MSR1: variants seen among roughly 807,000 people sequenced by gnomAD.
MSR1 encodes macrophage scavenger receptor 1.
Under a neutral mutation model 47.2 loss-of-function variants are expected in MSR1, and 53 were observed. That is an observed-to-expected ratio of 1.12 (90% CI 0.90 to 1.41). MSR1 has a LOEUF of 1.41. Ranked by LOEUF, MSR1 falls within the 40% of genes most tolerant of loss-of-function variation. MSR1 has a pLI of 0.00. For missense variants in MSR1, 786 were observed against 546.9 expected (o/e 1.44, Z -4.36); for synonymous variants, 239 against 185.6 (o/e 1.29, Z -2.34).
intron 7 of MSR1, among the ~76,000 whole-genome samples, chr8:16,145,719 AC>A (rs373958060): frequency 1.0e-3 from 155 of 152,254 alleles, no homozygotes; most frequent in African/African-American, 3.6e-3. Flanking sequence ...TTATAAAAAA[AC>A]AAACAAATGT....
chr8:16,187,364 C>CAAAAAAAAAAAAAAAAAAAAAAAA (rs751848634), intron 1 of MSR1, among the ~76,000 whole-genome samples: 1 of 35,416 alleles, frequency 2.8e-5, no homozygotes, highest in African/African-American at 1.2e-4. Context: ...ACTCTGTCTC[C>CAAAAAAAAAAAAAAAAAAAAAAAA]AAAAAAAAAA....
chr8:16,146,776 C>T (rs2117122298), intron 7 of MSR1, among the ~76,000 whole-genome samples: 2 of 152,192 alleles, frequency 1.3e-5, no homozygotes, highest in Non-Finnish European at 2.9e-5. Context: ...CCTTTCCACT[C>T]TCTACCCATA....
chr8:16,149,608 T>C (rs758153960), intron 7 of MSR1, among the ~76,000 whole-genome samples: 1 of 152,100 alleles, frequency 6.6e-6, no homozygotes, highest in Non-Finnish European at 1.5e-5. Flanking sequence ...CTGTTCAAAG[T>C]TTGCAATTTA....
Position 16,187,954 on chromosome 8 carries a change from G to C in MSR1, c.-5+4644C>G, listed in dbSNP as rs979468096. On this transcript the variant is annotated intron_variant, in intron 1 of 9. Coordinates refer to ENST00000262101, the MANE Select transcript of MSR1 (RefSeq NM_138715.3). ...TTTAGTAACGTGAACATACATACTTGCATGAGCCTTCATTAGCAGGCAGTG... is the reference window on the plus strand; with the variant it reads ...TTTAGTAACGTGAACATACATACTTCCATGAGCCTTCATTAGCAGGCAGTG... Among the ~76,000 whole-genome samples, 44 of 152,122 alleles carry C rather than the reference G, an allele frequency of 2.9e-4. 1 individual carries two copies.
chr8:16,167,976 G>C (rs1801364400), intron 4 of MSR1, among the ~76,000 whole-genome samples: 1 of 152,080 alleles, frequency 6.6e-6, no homozygotes, highest in African/African-American at 2.4e-5. Flanking sequence ...TTCACCAACA[G>C]ACTCCCCATA....
At chr8:16,139,766 AAAAAAAAAATATATATATATATATAT>A (rs1800491542) in intron 8 of MSR1, 2 of 158,516 alleles carry the variant, frequency 1.3e-5, no homozygotes, top group African/African-American at 1.5e-4. Context: ...AAAAAAAAAA[AAAAAAAAAATATATATATATATATAT>A]ATATATATAT....
intron 6 of MSR1, among the ~76,000 whole-genome samples, chr8:16,151,031 G>A (rs1343026593): frequency 2.0e-5 from 3 of 151,982 alleles, no homozygotes; most frequent in African/African-American, 4.8e-5. Context: ...AAAAGAAAAT[G>A]TTATATTCCA....
At chr8:16,140,680 A>G (rs1248606001) in intron 8 of MSR1, 7 of 1,301,596 alleles carry the variant, frequency 5.4e-6, no homozygotes, top group Admixed American at 7.3e-5. Flanking sequence ...CTCTAGGTCA[A>G]TGGGTGGCAG....
At chr8:16,163,986 T>C in intron 5 of MSR1, 79 bp downstream of exon 5, 1 of 1,140,416 alleles carries the variant, frequency 8.8e-7, no homozygotes, top group South Asian at 1.6e-5. Context: ...ACCATAGGAT[T>C]TCAAATATCA....
chr8:16,112,113 T>C (rs1799769058), intron 9 of MSR1, among the ~76,000 whole-genome samples: 1 of 152,142 alleles, frequency 6.6e-6, no homozygotes, highest in Admixed American at 6.5e-5. Context: ...AGCCTCTGAT[T>C]CTTATTCTGG....
chr8:16,174,835 T>C (rs569143525), intron 3 of MSR1, among the ~76,000 whole-genome samples: 2 of 152,084 alleles, frequency 1.3e-5, no homozygotes, highest in African/African-American at 2.4e-5. Flanking sequence ...CTTCTTCACA[T>C]TGGCAAAATG....
chr8:16,112,806 T>C (rs574047123), intron 9 of MSR1, among the ~76,000 whole-genome samples: 1 of 151,958 alleles, frequency 6.6e-6, no homozygotes, highest in African/African-American at 2.4e-5. Context: ...CTTAGATATG[T>C]TTTTAATCTC....
chr8:16,115,804 C>T (rs1404499478), intron 9 of MSR1, among the ~76,000 whole-genome samples: 1 of 151,772 alleles, frequency 6.6e-6, no homozygotes, highest in African/African-American at 2.4e-5. Context: ...TTAGCAAGAA[C>T]CTGTCTCTAT....
At position 16,143,481 on chromosome 8, in the gene MSR1, C is replaced by G. The variant is rs565139933; in HGVS notation, c.1033+77G>C. The G allele has an allele frequency of 3.6e-4, 481 of 1,354,002 alleles. 2 individuals are homozygous for G. The African/African-American group carries it at 6.2e-3, about 17-fold the overall frequency. The allele number at this position is 1,354,002 out of a possible 1,614,324, so 83.9% of individuals were successfully genotyped here. ...CTGTGCTGAAGTTGCGAACATTTGC[C>G]TCAAGCCCAGATCTCTAGTATCACA... On this transcript the variant is annotated intron_variant, in intron 8 of 9. Coordinates refer to ENST00000262101, the MANE Select transcript of MSR1 (RefSeq NM_138715.3).
At chr8:16,141,833 A>T (rs1800564956) in intron 8 of MSR1, among the ~76,000 whole-genome samples, 1 of 152,186 alleles carries the variant, frequency 6.6e-6, no homozygotes, top group South Asian at 2.1e-4. Context: ...TAAAAAAAAA[A>T]TAGTTTCTTA....
chr8:16,109,848 A>T lies in MSR1; in HGVS notation c.*237T>A, dbSNP rs1031601412. On this transcript the variant is annotated 3_prime_UTR_variant, in exon 10 of 10. Coordinates refer to ENST00000262101, the MANE Select transcript of MSR1 (RefSeq NM_138715.3). ...TAAACTTCAAAATGTTCAATTCAGCATATAAGTCATTATATTAGAAAATTC... is the reference window on the plus strand; with the variant it reads ...TAAACTTCAAAATGTTCAATTCAGCTTATAAGTCATTATATTAGAAAATTC... The T allele has an allele frequency of 3.7e-6, 2 of 544,786 alleles. No individual in the cohort carries two copies. The highest frequency in any genetic ancestry group is 3.2e-5 in the Admixed American group (1 of 31,652). 33.7% of individuals were successfully genotyped at this position (544,786 alleles called of 1,614,324 possible).
At chr8:16,183,210 G>C (rs1160426544) in intron 1 of MSR1, among the ~76,000 whole-genome samples, 1 of 151,998 alleles carries the variant, frequency 6.6e-6, no homozygotes, top group Non-Finnish European at 1.5e-5. Context: ...CCTCACATTT[G>C]AGATATTCTG....
chr8:16,191,005 G>A (rs924827472), intron 1 of MSR1, among the ~76,000 whole-genome samples: 4 of 152,244 alleles, frequency 2.6e-5, no homozygotes, highest in Admixed American at 2.0e-4. Context: ...ACAGGCGTGA[G>A]CCACCGTGCC....
At chr8:16,125,769 T>A (rs1182606467) in intron 8 of MSR1, among the ~76,000 whole-genome samples, 3 of 152,092 alleles carry the variant, frequency 2.0e-5, no homozygotes, top group African/African-American at 7.2e-5. Context: ...TAAAAATTTT[T>A]AAAAGTTTTT....
Sources: gnomAD v4.1 joint callset for allele counts (sites outside exome capture counted in the v4.1 genomes callset) on GRCh38, gnomAD v4.1.1 for gene constraint, MANE v1.5 for transcripts, NCBI Gene and HGNC (gene_info 2026-07-23, HGNC 2026-07-21) for gene names.